TMPRSS4: variants seen among roughly 807,000 people sequenced by gnomAD.
TMPRSS4 encodes transmembrane serine protease 4, also known as transmembrane protease serine 4.
TMPRSS4 carries 45 observed loss-of-function variants against 56.4 expected under a neutral mutation model. That is an observed-to-expected ratio of 0.80 (90% confidence interval 0.63 to 1.02). The LOEUF (loss-of-function observed/expected upper bound fraction) is 1.02. TMPRSS4 is among the 50% of genes least tolerant of loss of function. The probability of loss-of-function intolerance (pLI) is 0.00; values close to 1 mark genes in which losing one functional copy is unlikely to be tolerated. For synonymous variants in TMPRSS4, 205 were observed against 211.0 expected (o/e 0.97, Z 0.25); for missense variants, 546 against 556.7 (o/e 0.98, Z 0.19).
At chr11:118,117,788 G>C in intron 12 of TMPRSS4, 114 bp from the exon 13 acceptor site, 1 of 1,601,338 alleles carries the variant, frequency 6.2e-7, no homozygotes, top group South Asian at 1.1e-5. Flanking sequence ...GCCCTCTGCA[G>C]GGTAGGGAGA....
Position 118,113,327 on chromosome 11 carries a change from T to G in TMPRSS4, c.802T>G (p.Phe268Val), listed in dbSNP as rs770925467. 3.7e-6 allele frequency: 6 copies of G among 1,614,132 alleles called. No individual in the cohort carries two copies. The highest frequency in any genetic ancestry group is 5.1e-6 in the Non-Finnish European group (6 of 1,180,018). The change falls in exon 9 of 13, where the codon TTC becomes GTC. Residue 268 changes from phenylalanine to valine, a missense_variant. Phe to Val is a conservative substitution (Grantham distance 50). Transcript: ENST00000437212. ...GGCAGGCTCAGACAAACTGGGCAGC[T>G]TCCCATCCCTGGCTGTGGCCAAGAT... ...VRAGSDKLGS[F>V]PSLAVAKIII...
Position 118,118,727 on chromosome 11 carries a change from G to C in TMPRSS4, c.*814G>C. ...GCCTGTGATAATCAGCCAGGAGCCA[G>C]GGATAACCTATGACTTGGGAAAGAG... is the stretch of plus-strand genomic sequence containing the variant. On this transcript the variant is annotated 3_prime_UTR_variant, in exon 13 of 13. Coordinates refer to ENST00000437212, the MANE Select transcript of TMPRSS4 (RefSeq NM_019894.4). The C allele has an allele frequency of 1.0e-6, 1 of 985,788 alleles. No individual in the cohort carries two copies. Among genetic ancestry groups the C allele is most frequent in the Non-Finnish European group, 1.2e-6 (1 of 830,146 alleles). The allele number at this position is 985,788 out of a possible 1,614,324, so 61.1% of individuals were successfully genotyped here.
chr11:118,100,753 T>C (rs546171671), intron 3 of TMPRSS4, among the ~76,000 whole-genome samples: 7 of 152,268 alleles, frequency 4.6e-5, no homozygotes, highest in African/African-American at 1.7e-4. Flanking sequence ...CCTGCCACAG[T>C]GGAGATAAAG....
Position 118,104,495 on chromosome 11 carries a change from C to T in TMPRSS4, c.311-196C>T, listed in dbSNP as rs568053592. Among the ~76,000 whole-genome samples, 19 of 152,334 alleles carry T rather than the reference C, an allele frequency of 1.2e-4. No individual in the cohort carries two copies. In the East Asian group the frequency reaches 3.1e-3, roughly 25 times the overall value. On this transcript the variant is annotated intron_variant, in intron 4 of 12. Coordinates refer to ENST00000437212, the MANE Select transcript of TMPRSS4 (RefSeq NM_019894.4). The stretch of plus-strand genomic sequence containing the variant: ...AGACCTACCCTGGGACTTCTGGTCA[C>T]ACTAGCTACTGTCAAAATGGGGCCC...
At chr11:118,123,282 C>A (rs1422725081), downstream of TMPRSS4, among the ~76,000 whole-genome samples, 1 of 152,168 alleles carries the variant, frequency 6.6e-6, no homozygotes, top group Non-Finnish European at 1.5e-5. Context: ...TTCCTCCCAA[C>A]GTGAATATGA....
At chr11:118,081,888 G>C (rs996280856) in intron 1 of TMPRSS4, among the ~76,000 whole-genome samples, 1 of 152,174 alleles carries the variant, frequency 6.6e-6, no homozygotes, top group East Asian at 1.9e-4. Flanking sequence ...GATGGAACAG[G>C]AGCAGGGGAG....
chr11:118,093,544 G>T (rs2135328310), intron 1 of TMPRSS4, among the ~76,000 whole-genome samples: 1 of 152,356 alleles, frequency 6.6e-6, no homozygotes, highest in East Asian at 1.9e-4. Context: ...ATGTGACTCT[G>T]TGGCTGTGTG....
rs777354766 is a variant in TMPRSS4, at chr11:118,115,205, C to A, written c.1077C>A (p.Asp359Glu). 5.0e-6 allele frequency: 8 copies of A among 1,612,778 alleles called. No homozygotes were observed. The highest frequency in any genetic ancestry group is 1.7e-5 in the Admixed American group (1 of 59,910). ...TTGACAGCACACGGTGCAATGCAGA[C>A]GATGCGTACCAGGGGGAAGTCACCG... is the stretch of plus-strand genomic sequence containing the variant. Reference protein sequence around the residue: ...QVIDSTRCNADDAYQGEVTEK... With the variant: ...QVIDSTRCNAEDAYQGEVTEK... The change falls in exon 11 of 13, where the codon GAC becomes GAA. Residue 359 changes from aspartate to glutamate, a missense_variant. Physicochemically the swap from Asp to Glu is conservative, Grantham distance 45 (BLOSUM62 2). Transcript: ENST00000437212.
At chr11:118,094,784 C>T (rs1591368985) in intron 1 of TMPRSS4, 32 bp from the exon 2 acceptor site, 1 of 1,602,066 alleles carries the variant, frequency 6.2e-7, no homozygotes, top group East Asian at 2.2e-5. Flanking sequence ...GAGAGGCTCC[C>T]TGCCTCAACT....
chr11:118,099,316 C>G, intron 3 of TMPRSS4: 1 of 449,016 alleles, frequency 2.2e-6, no homozygotes, highest in Non-Finnish European at 4.0e-6. Context: ...TTGTCCTTCA[C>G]CCCCTCAGTA....
chr11:118,112,824 C>CTTTTTTTTTTTT (rs5795113), intron 8 of TMPRSS4, among the ~76,000 whole-genome samples: 2 of 128,470 alleles, frequency 1.6e-5, no homozygotes, highest in African/African-American at 2.9e-5. Flanking sequence ...TTTTTAACCA[C>CTTTTTTTTTTTT]TTTTTTTTTT....
intron 8 of TMPRSS4, among the ~76,000 whole-genome samples, chr11:118,112,384 T>TTG (rs1947320998): frequency 8.7e-6 from 1 of 114,352 alleles, no homozygotes; most frequent in Non-Finnish European, 1.7e-5. Flanking sequence ...CTTCACTTTT[T>TTG]TTTTTTTTTT....
intron 1 of TMPRSS4, among the ~76,000 whole-genome samples, chr11:118,080,041 T>A (rs1945004973): frequency 6.6e-6 from 1 of 152,074 alleles, no homozygotes; most frequent in Admixed American, 6.5e-5. Flanking sequence ...CCAGACACCA[T>A]TTAATCAGCC....
Position 118,119,477 on chromosome 11 carries a change from TA to T in TMPRSS4, c.*1570del. On this transcript the variant is annotated 3_prime_UTR_variant, in exon 13 of 13. Coordinates refer to ENST00000437212, the MANE Select transcript of TMPRSS4 (RefSeq NM_019894.4). ...TAAAAAACACCTTAAGTGGGCAGCATAAAAAACAGCTAATTTAGAACCCCAA... is the reference window on the plus strand; with the variant it reads ...TAAAAAACACCTTAAGTGGGCAGCATAAAAACAGCTAATTTAGAACCCCAA... 1 of 512,494 alleles carries T rather than the reference TA, an allele frequency of 2.0e-6. No individual in the cohort carries two copies. Among genetic ancestry groups the T allele is most frequent in the Non-Finnish European group, 2.5e-6 (1 of 397,974 alleles). 31.7% of individuals were successfully genotyped at this position (512,494 alleles called of 1,614,324 possible). A position where few individuals can be genotyped will look rare whatever the true frequency, so the allele number is the denominator to read the frequency against.
intron 8 of TMPRSS4, among the ~76,000 whole-genome samples, chr11:118,112,546 C>T (rs1017581286): frequency 6.6e-6 from 1 of 151,904 alleles, no homozygotes; most frequent in African/African-American, 2.4e-5. Flanking sequence ...GCATGGGCCA[C>T]CATGCCCGGC....
chr11:118,103,106 G>C lies in TMPRSS4; in HGVS notation c.163G>C (p.Val55Leu). Residue 55 changes from valine (V) to leucine (L), a missense_variant, in exon 4 of 13, where the codon GTG (valine) becomes CTG (leucine). Transcript: ENST00000437212. ...SIIIVVVLIKVILDKYYFLCG... is the reference protein window; with the variant it reads ...SIIIVVVLIKLILDKYYFLCG... ...TCCCTGCACTTGCCTTCCAGTCAAG[G>C]TGATTCTGGATAAATACTACTTCCT... 6.2e-7 allele frequency: 1 copy of C among 1,614,100 alleles called. No homozygotes were observed.
chr11:118,120,571 T>C lies in TMPRSS4; in HGVS notation c.*2658T>C, dbSNP rs1947760257. On this transcript the variant is annotated 3_prime_UTR_variant, in exon 13 of 13. Transcript: ENST00000437212. ...GAATACAGCTTTTAGAAATAAAAAC[T>C]ATAATTATAAAAATAAAAAACTAAG... 7.1e-6 allele frequency: 1 copy of C among 140,520 alleles called. No homozygotes were observed. The highest frequency in any genetic ancestry group is 2.2e-4 in the South Asian group (1 of 4,586). 8.7% of individuals were successfully genotyped at this position (140,520 alleles called of 1,614,324 possible).
intron 1 of TMPRSS4, among the ~76,000 whole-genome samples, chr11:118,084,297 C>T (rs960554625): frequency 3.3e-5 from 5 of 152,192 alleles, no homozygotes; most frequent in Non-Finnish European, 7.3e-5. Flanking sequence ...AAAACACAAC[C>T]TCTCCTAGCA....
chr11:118,119,255 G>A lies in TMPRSS4; in HGVS notation c.*1342G>A. The A allele has an allele frequency of 1.0e-6, 1 of 985,436 alleles. No individual in the cohort carries two copies. Among genetic ancestry groups the A allele is most frequent in the Non-Finnish European group, 1.2e-6 (1 of 829,930 alleles). 61.0% of individuals were successfully genotyped at this position (985,436 alleles called of 1,614,324 possible). ...GTCGAGACCTATATGAAGGCTGGCA[G>A]TGGAGCTAAACCTGGACACACTGAA... On this transcript the variant is annotated 3_prime_UTR_variant, in exon 13 of 13. Coordinates refer to ENST00000437212, the MANE Select transcript of TMPRSS4 (RefSeq NM_019894.4).
Sources: gnomAD v4.1 joint callset for allele counts (sites outside exome capture counted in the v4.1 genomes callset) on GRCh38, gnomAD v4.1.1 for gene constraint, MANE v1.5 for transcripts, NCBI Gene and HGNC (gene_info 2026-07-23, HGNC 2026-07-21) for gene names.